The following CPAP variants were observed in gnomAD, a reference collection of about 807,000 sequenced individuals.
CPAP encodes the protein centrosome assembly and centriole elongation protein, also known as centrosomal P4.1-associated protein.
chr13:24,933,201 T>A, the CPAP span: 360,380 of 1,197,388 alleles, frequency 0.3, 56,351 homozygotes, highest in Admixed American at 0.42. Flanking sequence ...AACAGGGTCA[T>A]GGTTAGAAGA....
the CPAP span, chr13:24,892,838 C>T: frequency 6.2e-7 from 1 of 1,612,578 alleles, no homozygotes; most frequent in Non-Finnish European, 8.5e-7. Flanking sequence ...TCAAATCTTC[C>T]CGTAAATCTG....
chr13:24,920,784 CTT>C, the CPAP span, among the ~76,000 whole-genome samples: 45 of 140,144 alleles, frequency 3.2e-4, no homozygotes, highest in Non-Finnish European at 3.7e-4. Context: ...CCATACCTGG[CTT>C]TTTTTTTTTT....
At chr13:24,914,824 G>A in the CPAP span, among the ~76,000 whole-genome samples, 22 of 152,186 alleles carry the variant, frequency 1.4e-4, no homozygotes, top group South Asian at 6.2e-4. Context: ...CATAATCCCA[G>A]CATTTTGGGA....
At chr13:24,884,906 C>A in the CPAP span, among the ~76,000 whole-genome samples, 3 of 152,212 alleles carry the variant, frequency 2.0e-5, no homozygotes, top group African/African-American at 7.2e-5. Flanking sequence ...CTTTCTTCCT[C>A]ATTCCCTTTA....
At chr13:24,911,137 T>A in the CPAP span, among the ~76,000 whole-genome samples, 140 of 152,340 alleles carry the variant, frequency 9.2e-4, no homozygotes, top group Admixed American at 3.9e-3. Context: ...TAGCATTTTT[T>A]AAAATGATAT....
chr13:24,909,779 A>G, the CPAP span: 4 of 1,606,970 alleles, frequency 2.5e-6, no homozygotes, highest in East Asian at 6.7e-5. Flanking sequence ...AGAGAAACAT[A>G]AGTAGCTCAC....
chr13:24,900,596 C>T, the CPAP span, among the ~76,000 whole-genome samples: 110 of 152,150 alleles, frequency 7.2e-4, 1 homozygote, highest in Non-Finnish European at 9.1e-4. Flanking sequence ...GAGCCGAGAT[C>T]GCACCATTGC....
At chr13:24,885,425 C>G in the CPAP span, 2 of 1,416,244 alleles carry the variant, frequency 1.4e-6, no homozygotes, top group Admixed American at 1.7e-5. Flanking sequence ...AAAACCTACT[C>G]TTACTTCCAA....
chr13:24,909,820 AATT>A, the CPAP span: 1 of 1,613,266 alleles, frequency 6.2e-7, no homozygotes, highest in African/African-American at 1.3e-5. Flanking sequence ...TCTTCTTTTA[AATT>A]ATTTTTTTCC....
chr13:24,910,390 A>G, the CPAP span, among the ~76,000 whole-genome samples: 1 of 152,088 alleles, frequency 6.6e-6, no homozygotes, highest in Admixed American at 6.5e-5. Context: ...CGCCCAGCTA[A>G]TTTTTTATAT....
At chr13:24,906,046 A>G in the CPAP span, 1 of 1,613,984 alleles carries the variant, frequency 6.2e-7, no homozygotes. Context: ...TCAATTCATC[A>G]GCTGAGGACA....
the CPAP span, chr13:24,912,895 T>G: frequency 6.2e-7 from 1 of 1,614,236 alleles, no homozygotes. Flanking sequence ...AGCTGCTCGC[T>G]TCTCTTTGTC....
the CPAP span, chr13:24,911,892 A>T: frequency 6.2e-7 from 1 of 1,609,870 alleles, no homozygotes; most frequent in Non-Finnish European, 8.5e-7. Context: ...CGTGTCAAAC[A>T]ACTACAGGTA....
At chr13:24,899,506 C>T in the CPAP span, 1 of 1,613,280 alleles carries the variant, frequency 6.2e-7, no homozygotes, top group Non-Finnish European at 8.5e-7. Context: ...TTTGTAGCTT[C>T]CTCATCTCCT....
chr13:24,930,059 C>T, the CPAP span, among the ~76,000 whole-genome samples: 2 of 151,708 alleles, frequency 1.3e-5, no homozygotes, highest in African/African-American at 4.8e-5. Context: ...CACAGACATG[C>T]ACCACCATGC....
the CPAP span, among the ~76,000 whole-genome samples, chr13:24,901,391 T>C: frequency 6.6e-6 from 1 of 152,084 alleles, no homozygotes; most frequent in African/African-American, 2.4e-5. Context: ...AATTATCAGG[T>C]TGGCAAGATT....
At chr13:24,888,373 C>T in the CPAP span, among the ~76,000 whole-genome samples, 1 of 152,102 alleles carries the variant, frequency 6.6e-6, no homozygotes, top group Non-Finnish European at 1.5e-5. Flanking sequence ...CACACACACA[C>T]ACATCCAAAA....
At chr13:24,932,858 A>T in the CPAP span, 1 of 595,252 alleles carries the variant, frequency 1.7e-6, no homozygotes, top group Non-Finnish European at 3.0e-6. Context: ...TATGATATTC[A>T]ATTTTTACAA....
chr13:24,890,208 G>C, the CPAP span, among the ~76,000 whole-genome samples: 89 of 152,204 alleles, frequency 5.8e-4, no homozygotes, highest in Non-Finnish European at 1.2e-3. Context: ...GTGAAACATA[G>C]ACATAACTAT....
Sources: gnomAD v4.1 joint callset for allele counts (sites outside exome capture counted in the v4.1 genomes callset) on GRCh38, gnomAD v4.1.1 for gene constraint, MANE v1.5 for transcripts, NCBI Gene and HGNC (gene_info 2026-07-23, HGNC 2026-07-21) for gene names.